The following HMG20A variants were observed in gnomAD, a reference collection of about 807,000 sequenced individuals.
The protein encoded by HMG20A is high mobility group 20A.
In HMG20A, 17 loss-of-function variants were observed where a neutral mutation model predicts 43.9. That is an observed-to-expected ratio of 0.39 (90% CI 0.27 to 0.58). The LOEUF (loss-of-function observed/expected upper bound fraction) is 0.58, where lower values mean the gene tolerates loss of function less well. HMG20A is among the 20% of genes least tolerant of loss of function. HMG20A has a pLI of 0.59. For missense variants in HMG20A, 341 were observed against 438.2 expected (o/e 0.78, Z 1.98); for synonymous variants, 132 against 147.5 (o/e 0.89, Z 0.76).
At chr15:77,507,519 G>GA in the HMG20A span, among the ~76,000 whole-genome samples, 190 of 152,326 alleles carry the variant, frequency 1.2e-3, no homozygotes, top group African/African-American at 4.5e-3. Context: ...ATCTAAGTGG[G>GA]AAAGACAGTA....
chr15:77,453,392 A>G (rs1409987448), intron 1 of HMG20A, among the ~76,000 whole-genome samples: 1 of 152,182 alleles, frequency 6.6e-6, no homozygotes, highest in Non-Finnish European at 1.5e-5. Flanking sequence ...ACCACTTCAC[A>G]TCTACTAGGA....
At chr15:77,428,300 C>T (rs1034938022) in intron 1 of HMG20A, among the ~76,000 whole-genome samples, 8 of 152,148 alleles carry the variant, frequency 5.3e-5, no homozygotes, top group South Asian at 2.1e-4. Flanking sequence ...AGAAAAGCAA[C>T]GGCCTTTGGG....
Position 77,478,471 on chromosome 15 carries a change from C to G in HMG20A, c.868C>G (p.Gln290Glu), listed in dbSNP as rs1567407788. 1 of 1,611,554 alleles carries G rather than the reference C, an allele frequency of 6.2e-7. No homozygotes were observed. ...ACAGCAGCACCTGGAGACCCTGCGGCAGGTGCTGACCAGCAGCTTTGCCAG... is the reference window on the plus strand; with the variant it reads ...ACAGCAGCACCTGGAGACCCTGCGGGAGGTGCTGACCAGCAGCTTTGCCAG... Reference protein sequence around the residue: ...VLQQHLETLRQVLTSSFASMP... With the variant: ...VLQQHLETLREVLTSSFASMP... Residue 290 changes from glutamine to glutamate, a missense_variant, in exon 8 of 10, where the codon CAG becomes GAG. Gln to Glu is a conservative substitution (Grantham distance 29). Around this residue, in one of 3 missense-constraint regions of HMG20A, gnomAD observed 118 missense variants for 154.5 expected, o/e 0.76. Transcript: ENST00000336216.
At chr15:77,493,735 T>C in the HMG20A span, among the ~76,000 whole-genome samples, 1 of 151,988 alleles carries the variant, frequency 6.6e-6, no homozygotes, top group Non-Finnish European at 1.5e-5. Context: ...GAGTGACGGA[T>C]GAGAGGGAGG....
the HMG20A span, among the ~76,000 whole-genome samples, chr15:77,500,672 G>A: frequency 4.0e-5 from 6 of 151,688 alleles, no homozygotes; most frequent in South Asian, 4.2e-4. Flanking sequence ...GAGTTCAAGC[G>A]GTTCTCCTGC....
At position 77,452,354 on chromosome 15, in the gene HMG20A, A is replaced by G. The variant is rs963113827; in HGVS notation, c.-4-6050A>G. ...GGGTTAGAAAAGACAAGTGTAGTACAGTGAGTCAAGTATTATGATGGGTGT... is the reference window on the plus strand; with the variant it reads ...GGGTTAGAAAAGACAAGTGTAGTACGGTGAGTCAAGTATTATGATGGGTGT... On this transcript the variant is annotated intron_variant, in intron 1 of 9. Transcript: ENST00000336216. Among the ~76,000 whole-genome samples the G allele has an allele frequency of 2.0e-5, 3 of 152,342 alleles. No homozygotes were observed. The East Asian group carries it at 5.8e-4, about 29-fold the overall frequency.
At chr15:77,487,713 G>A (rs771777908), downstream of HMG20A, among the ~76,000 whole-genome samples, 42 of 152,188 alleles carry the variant, frequency 2.8e-4, no homozygotes, top group South Asian at 2.1e-4. Flanking sequence ...ATTGCTTAGC[G>A]GAAAAGCTCA....
chr15:77,421,122 T>A (rs2073317310), intron 1 of HMG20A, 118 bp downstream of exon 1: 1 of 169,514 alleles, frequency 5.9e-6, no homozygotes, highest in Admixed American at 7.6e-5. Context: ...GCCGGCTGAA[T>A]GGGGGCGCCT....
At chr15:77,475,498 T>C (rs1304615323) in intron 6 of HMG20A, among the ~76,000 whole-genome samples, 1 of 152,230 alleles carries the variant, frequency 6.6e-6, no homozygotes. Flanking sequence ...AGAGGGATCT[T>C]TGTACCATGG....
At chr15:77,462,209 A>G (rs1423217769) in intron 2 of HMG20A, among the ~76,000 whole-genome samples, 2 of 152,110 alleles carry the variant, frequency 1.3e-5, no homozygotes, top group Non-Finnish European at 2.9e-5. Flanking sequence ...TTTAGCAGAC[A>G]CTTTTTGGCC....
chr15:77,441,959 A>G (rs2073617588), intron 1 of HMG20A, among the ~76,000 whole-genome samples: 1 of 152,180 alleles, frequency 6.6e-6, no homozygotes, highest in Non-Finnish European at 1.5e-5. Flanking sequence ...AAGGCAATTT[A>G]GAGTCCAATT....
the HMG20A span, among the ~76,000 whole-genome samples, chr15:77,508,042 C>T: frequency 3.3e-5 from 5 of 152,190 alleles, no homozygotes; most frequent in East Asian, 9.6e-4. Flanking sequence ...AAGCCCTACG[C>T]ACACAGTCTC....
chr15:77,447,782 A>G (rs1377308882), intron 1 of HMG20A: 1 of 152,212 alleles, frequency 6.6e-6, no homozygotes, highest in Non-Finnish European at 1.5e-5. Flanking sequence ...ATCACTTGAC[A>G]CCATACACCA....
At chr15:77,448,374 C>T (rs1320436918) in intron 1 of HMG20A, among the ~76,000 whole-genome samples, 1 of 151,918 alleles carries the variant, frequency 6.6e-6, no homozygotes, top group Non-Finnish European at 1.5e-5. Flanking sequence ...ACCAGGGGGA[C>T]TTCTTTGCAC....
At chr15:77,503,836 G>A in the HMG20A span, among the ~76,000 whole-genome samples, 66 of 152,204 alleles carry the variant, frequency 4.3e-4, no homozygotes, top group African/African-American at 1.5e-3. Flanking sequence ...TAACAAGCTC[G>A]CCTGTGATAT....
At chr15:77,482,269 T>C (rs989623632) in intron 9 of HMG20A, 9 of 152,158 alleles carry the variant, frequency 5.9e-5, no homozygotes, top group Non-Finnish European at 8.8e-5. Context: ...TATAATGTTA[T>C]AGAATTTTAG....
chr15:77,431,642 TATGTGGTAAAAACACTGAGCA>T, intron 1 of HMG20A, among the ~76,000 whole-genome samples: 1 of 152,308 alleles, frequency 6.6e-6, no homozygotes, highest in African/African-American at 2.4e-5. Flanking sequence ...TCACACAATT[TATGTGGTAAAAACACTGAGCA>T]TCTACTCTCT....
At chr15:77,519,954 A>G in the HMG20A span, among the ~76,000 whole-genome samples, 1 of 152,142 alleles carries the variant, frequency 6.6e-6, no homozygotes, top group Non-Finnish European at 1.5e-5. Context: ...TAATCCCAGC[A>G]CTTTGGGAGG....
At chr15:77,482,393 G>A (rs1035989609) in intron 9 of HMG20A, 7 of 152,182 alleles carry the variant, frequency 4.6e-5, no homozygotes, top group Non-Finnish European at 7.3e-5. Flanking sequence ...AGGAGGCCAT[G>A]AGGGTGATTT....
Sources: gnomAD v4.1 joint callset for allele counts (sites outside exome capture counted in the v4.1 genomes callset) on GRCh38, gnomAD v4.1.1 for gene constraint, gnomAD v4.1.1 regional missense constraint, MANE v1.5 for transcripts, NCBI Gene and HGNC (gene_info 2026-07-23, HGNC 2026-07-21) for gene names.